RAD51: variants seen among roughly 807,000 people sequenced by gnomAD.
RAD51 encodes RAD51 recombinase.
RAD51 carries 14 observed loss-of-function variants against 41.5 expected under a neutral mutation model. The ratio of observed to expected loss-of-function variants is 0.34; its 90% CI spans 0.22 to 0.53. The LOEUF (loss-of-function observed/expected upper bound fraction) is 0.53. Ranked by LOEUF, RAD51 falls within the 20% of genes least tolerant of loss-of-function variation. The pLI, the probability that RAD51 is intolerant of heterozygous loss-of-function variation, is 0.95. For missense variants in RAD51, 234 were observed against 422.0 expected (o/e 0.55, Z 3.90); for synonymous variants, 136 against 148.6 (o/e 0.92, Z 0.62).
chr15:40,712,836 C>G (rs1895770068), intron 5 of RAD51, among the ~76,000 whole-genome samples: 2 of 150,636 alleles, frequency 1.3e-5, no homozygotes, highest in South Asian at 4.2e-4. Flanking sequence ...TTTTTCTATC[C>G]TCGGGACTCA....
Position 40,731,603 on chromosome 15 carries a change from G to C in RAD51, c.*425G>C, listed in dbSNP as rs369695117. 1.6e-5 allele frequency: 4 copies of C among 254,736 alleles called. No homozygotes were observed. Among genetic ancestry groups the C allele is most frequent in the African/African-American group, 8.7e-5 (4 of 45,726 alleles). The allele number at this position is 254,736 out of a possible 1,614,324, so 15.8% of individuals were successfully genotyped here. A position where few individuals can be genotyped will look rare whatever the true frequency, so the allele number is the denominator to read the frequency against. ...GCTATGTAGCAAAGGGAATGGGTCT[G>C]CACAGATTCTTTTTTTCTGTCAGTA... On this transcript the variant is annotated 3_prime_UTR_variant, in exon 10 of 10. Coordinates refer to ENST00000267868, the MANE Select transcript of RAD51 (RefSeq NM_002875.5).
intron 3 of RAD51, among the ~76,000 whole-genome samples, chr15:40,705,298 T>C (rs576919045): frequency 1.3e-3 from 193 of 152,370 alleles, no homozygotes; most frequent in African/African-American, 4.5e-3. Flanking sequence ...TATTTGTGAA[T>C]GCACTTACTT....
chr15:40,719,690 G>A (rs528669420), intron 6 of RAD51, among the ~76,000 whole-genome samples: 1 of 152,198 alleles, frequency 6.6e-6, no homozygotes, highest in South Asian at 2.1e-4. Context: ...AAGTTAGCCG[G>A]GTGTGTTGGT....
At chr15:40,704,363 C>G (rs1160179101) in intron 3 of RAD51, among the ~76,000 whole-genome samples, 1 of 121,320 alleles carries the variant, frequency 8.2e-6, no homozygotes, top group Non-Finnish European at 1.7e-5. Flanking sequence ...CGCGCCAGGC[C>G]TTTTTTTTTT....
chr15:40,704,817 G>T (rs769362950), intron 3 of RAD51, among the ~76,000 whole-genome samples: 13 of 150,032 alleles, frequency 8.7e-5, no homozygotes, highest in Admixed American at 2.7e-4. Context: ...CTACAGGCGC[G>T]TGCCACCACG....
chr15:40,697,992 A>G (rs1894755123), intron 1 of RAD51, among the ~76,000 whole-genome samples: 1 of 152,152 alleles, frequency 6.6e-6, no homozygotes, highest in African/African-American at 2.4e-5. Context: ...GGCTATTTTG[A>G]AGTATACATT....
At chr15:40,710,549 A>G (rs1895654930) in intron 5 of RAD51, among the ~76,000 whole-genome samples, 1 of 151,752 alleles carries the variant, frequency 6.6e-6, no homozygotes, top group African/African-American at 2.4e-5. Flanking sequence ...AAAAAATTCA[A>G]GATGACAAAA....
At chr15:40,726,891 C>T (rs1013264612) in intron 6 of RAD51, among the ~76,000 whole-genome samples, 4 of 142,254 alleles carry the variant, frequency 2.8e-5, no homozygotes, top group East Asian at 2.1e-4. Flanking sequence ...CCAGCCTGGG[C>T]GACAGAGTGA....
At chr15:40,698,900 G>T in intron 2 of RAD51, 55 bp downstream of exon 2, 1 of 1,524,798 alleles carries the variant, frequency 6.6e-7, no homozygotes, top group Non-Finnish European at 9.1e-7. Flanking sequence ...CTACCTAGTG[G>T]AAGGTATTAC....
intron 4 of RAD51, 126 bp from the exon 5 acceptor site, chr15:40,708,899 C>T (rs891002268): frequency 1.7e-5 from 15 of 873,694 alleles, no homozygotes; most frequent in African/African-American, 1.2e-4. Flanking sequence ...GAAAAATTAT[C>T]GCTTGTTGGA....
At chr15:40,712,538 G>A (rs1438290607) in intron 5 of RAD51, among the ~76,000 whole-genome samples, 9 of 152,154 alleles carry the variant, frequency 5.9e-5, no homozygotes, top group Non-Finnish European at 1.0e-4. Context: ...ATGGGGAGCC[G>A]TTTTTCCTTG....
intron 3 of RAD51, among the ~76,000 whole-genome samples, chr15:40,705,332 G>A (rs545573469): frequency 6.6e-6 from 1 of 152,258 alleles, no homozygotes; most frequent in South Asian, 2.1e-4. Context: ...TCAACCCATA[G>A]TGCTATTACA....
intron 1 of RAD51, 56 bp from the exon 2 acceptor site, chr15:40,698,701 G>A (rs1894805078): frequency 1.3e-6 from 2 of 1,496,172 alleles, no homozygotes; most frequent in Non-Finnish European, 1.9e-6. Flanking sequence ...AAGATGGGGA[G>A]AGAGATGCAC....
intron 1 of RAD51, among the ~76,000 whole-genome samples, chr15:40,698,460 A>C (rs900156850): frequency 2.0e-5 from 3 of 152,186 alleles, no homozygotes; most frequent in African/African-American, 7.2e-5. Context: ...TGCTGGGATC[A>C]CAGGCATGAG....
chr15:40,728,406 C>A (rs1896697338), intron 6 of RAD51, among the ~76,000 whole-genome samples: 1 of 151,702 alleles, frequency 6.6e-6, no homozygotes, highest in Non-Finnish European at 1.5e-5. Flanking sequence ...GCAATGAGAT[C>A]ACGCCGCTGC....
At chr15:40,709,901 G>A (rs1436115138) in intron 5 of RAD51, among the ~76,000 whole-genome samples, 9 of 151,878 alleles carry the variant, frequency 5.9e-5, no homozygotes, top group Non-Finnish European at 1.3e-4. Context: ...GGTGGCTCAC[G>A]CCTGTAATCC....
intron 6 of RAD51, among the ~76,000 whole-genome samples, chr15:40,726,021 C>G (rs1282563771): frequency 2.0e-5 from 3 of 152,004 alleles, no homozygotes; most frequent in Non-Finnish European, 4.4e-5. Context: ...TGCAAGCTCT[C>G]CAGGTAATCT....
intron 1 of RAD51, among the ~76,000 whole-genome samples, chr15:40,696,468 G>A (rs919819487): frequency 6.6e-6 from 1 of 152,036 alleles, no homozygotes; most frequent in Non-Finnish European, 1.5e-5. Context: ...AGCTATTCAG[G>A]AGGCTGAGAA....
intron 6 of RAD51, among the ~76,000 whole-genome samples, chr15:40,720,861 A>G (rs939021579): frequency 9.2e-5 from 14 of 152,344 alleles, no homozygotes; most frequent in African/African-American, 2.9e-4. Context: ...ATTCCACATC[A>G]TGGATGGGAA....
Sources: gnomAD v4.1 joint callset for allele counts (sites outside exome capture counted in the v4.1 genomes callset) on GRCh38, gnomAD v4.1.1 for gene constraint, MANE v1.5 for transcripts, NCBI Gene and HGNC (gene_info 2026-07-23, HGNC 2026-07-21) for gene names.